PALM2AKAP2: variants seen among roughly 807,000 people sequenced by gnomAD.
PALM2AKAP2 encodes PALM2-AKAP2 fusion protein.
Under a neutral mutation model 71.5 loss-of-function variants are expected in PALM2AKAP2, and 37 were observed. That is an observed-to-expected ratio of 0.52 (90% CI 0.40 to 0.68). The LOEUF (loss-of-function observed/expected upper bound fraction) is 0.68. PALM2AKAP2 is among the 30% of genes least tolerant of loss of function. The pLI, the probability that PALM2AKAP2 is intolerant of heterozygous loss-of-function variation, is 0.00. For synonymous variants in PALM2AKAP2, 468 were observed against 478.8 expected (o/e 0.98, Z 0.29); for missense variants, 1,224 against 1,191.8 (o/e 1.03, Z -0.40).
At chr9:109,683,380 A>G (rs1328708349) in intron 1 of PALM2AKAP2, among the ~76,000 whole-genome samples, 1 of 152,196 alleles carries the variant, frequency 6.6e-6, no homozygotes, top group Non-Finnish European at 1.5e-5. Context: ...TTTGAGACAC[A>G]TGAGAGAAGG....
chr9:110,083,517 A>G (rs1340652847), intron 1 of PALM2AKAP2, among the ~76,000 whole-genome samples: 1 of 152,106 alleles, frequency 6.6e-6, no homozygotes, highest in Non-Finnish European at 1.5e-5. Flanking sequence ...CCCCATTGAC[A>G]GCCTAGGATA....
chr9:109,785,845 T>C (rs2118834629), intron 1 of PALM2AKAP2, among the ~76,000 whole-genome samples: 1 of 152,330 alleles, frequency 6.6e-6, no homozygotes, highest in East Asian at 1.9e-4. Context: ...GGTGCTTTGA[T>C]ACGGGCTGAA....
intron 6 of PALM2AKAP2, among the ~76,000 whole-genome samples, chr9:109,936,441 C>T (rs1831219318): frequency 6.6e-6 from 1 of 152,170 alleles, no homozygotes; most frequent in African/African-American, 2.4e-5. Flanking sequence ...GCCATTTTTA[C>T]ATTTCCAGCC....
At chr9:109,763,486 C>T (rs11790000) in intron 1 of PALM2AKAP2, among the ~76,000 whole-genome samples, 38,158 of 152,078 alleles carry the variant, frequency 0.25, 4,960 homozygotes, top group South Asian at 0.35. Flanking sequence ...AGTTTAGGAA[C>T]TGTTTGGGGT....
Position 109,867,585 on chromosome 9 carries a change from C to T in PALM2AKAP2, c.126+14C>T. ...CAGCATTCCAAGGTAAGCAGCTGAT[C>T]CCAGGAACCTATTCCATTATTAGAC... On this transcript the variant is annotated intron_variant, in intron 2 of 9. Transcript: ENST00000302798. 6.2e-7 allele frequency: 1 copy of T among 1,609,240 alleles called. No homozygotes were observed. The highest frequency in any genetic ancestry group is 1.1e-5 in the South Asian group (1 of 90,682).
At chr9:109,887,854 T>C (rs981277172) in intron 3 of PALM2AKAP2, among the ~76,000 whole-genome samples, 2 of 152,156 alleles carry the variant, frequency 1.3e-5, no homozygotes, top group Non-Finnish European at 2.9e-5. Context: ...AGACCTCTGA[T>C]ATTGAGTGAA....
At chr9:110,127,104 A>G (rs1331049383) in intron 1 of PALM2AKAP2, among the ~76,000 whole-genome samples, 1 of 152,148 alleles carries the variant, frequency 6.6e-6, no homozygotes, top group African/African-American at 2.4e-5. Context: ...TTTGACCAAT[A>G]CCGTAGAAGC....
intron 6 of PALM2AKAP2, among the ~76,000 whole-genome samples, chr9:109,969,781 C>T (rs1369736107): frequency 6.6e-6 from 1 of 152,160 alleles, no homozygotes; most frequent in Non-Finnish European, 1.5e-5. Flanking sequence ...CTCCCACATC[C>T]TCACCCCACC....
upstream of PALM2AKAP2, among the ~76,000 whole-genome samples, chr9:109,777,235 CTT>C (rs1829361554): frequency 6.6e-6 from 1 of 152,224 alleles, no homozygotes; most frequent in African/African-American, 2.4e-5. Flanking sequence ...TTCTTCTTGT[CTT>C]TATCCATTTC....
chr9:109,827,201 A>C (rs1470475625), intron 1 of PALM2AKAP2, among the ~76,000 whole-genome samples: 1 of 152,208 alleles, frequency 6.6e-6, no homozygotes, highest in African/African-American at 2.4e-5. Flanking sequence ...AAAAGAAAGA[A>C]GTAGGTGGAG....
At chr9:109,971,214 C>A (rs1832058096) in intron 6 of PALM2AKAP2, among the ~76,000 whole-genome samples, 1 of 147,858 alleles carries the variant, frequency 6.8e-6, no homozygotes, top group South Asian at 2.1e-4. Flanking sequence ...CAGTAAATAT[C>A]AGTGAATGAA....
intron 1 of PALM2AKAP2, among the ~76,000 whole-genome samples, chr9:110,097,306 A>G (rs1230841512): frequency 1.3e-5 from 2 of 148,498 alleles, no homozygotes; most frequent in Non-Finnish European, 3.0e-5. Flanking sequence ...AGGCAGAAGA[A>G]TTTTTCTTAG....
chr9:110,140,288 C>T (rs947786250), intron 2 of PALM2AKAP2, among the ~76,000 whole-genome samples: 15 of 152,196 alleles, frequency 9.9e-5, no homozygotes, highest in African/African-American at 3.4e-4. Flanking sequence ...CTTGTATGTC[C>T]TTTGGAGATG....
At chr9:109,937,803 G>T in intron 6 of PALM2AKAP2, among the ~76,000 whole-genome samples, 1 of 152,078 alleles carries the variant, frequency 6.6e-6, no homozygotes, top group South Asian at 2.1e-4. Context: ...ATACTTTTCT[G>T]TATGTCCATG....
intron 1 of PALM2AKAP2, among the ~76,000 whole-genome samples, chr9:109,663,071 C>T (rs1162776162): frequency 6.6e-6 from 1 of 151,290 alleles, no homozygotes; most frequent in South Asian, 2.1e-4. Flanking sequence ...GTATTTGATT[C>T]TTCTCTCCTT....
intron 1 of PALM2AKAP2, among the ~76,000 whole-genome samples, chr9:109,725,816 A>G (rs1262755713): frequency 6.6e-6 from 1 of 152,242 alleles, no homozygotes; most frequent in Non-Finnish European, 1.5e-5. Flanking sequence ...ATAAGTTTTT[A>G]TTGGAGTGAC....
intron 3 of PALM2AKAP2, among the ~76,000 whole-genome samples, chr9:109,894,024 T>TAAA (rs552808725): frequency 3.0e-5 from 4 of 132,872 alleles, no homozygotes; most frequent in East Asian, 2.2e-4. Flanking sequence ...GTTGCTTATT[T>TAAA]AAAAAAAAAA....
intron 1 of PALM2AKAP2, among the ~76,000 whole-genome samples, chr9:110,061,911 G>A (rs1162058512): frequency 6.7e-6 from 1 of 149,534 alleles, no homozygotes; most frequent in Non-Finnish European, 1.5e-5. Context: ...CACAGCTAGT[G>A]GCAAAGCCAA....
At chr9:110,004,096 C>T (rs538764573) in intron 6 of PALM2AKAP2, among the ~76,000 whole-genome samples, 22 of 152,156 alleles carry the variant, frequency 1.4e-4, no homozygotes, top group East Asian at 1.4e-3. Flanking sequence ...TGATTTTGCC[C>T]GTTAGTTGAT....
Sources: allele counts gnomAD v4.1 joint callset (sites outside exome capture counted in the v4.1 genomes callset), GRCh38; gene constraint gnomAD v4.1.1; transcripts MANE v1.5; gene names NCBI Gene and HGNC (gene_info 2026-07-23, HGNC 2026-07-21).